The following CDC42SE2 variants were observed in gnomAD, a reference collection of about 807,000 sequenced individuals.
The protein encoded by CDC42SE2 is CDC42 small effector 2, also known as CDC42 small effector protein 2.
A neutral mutation model predicts 11.5 loss-of-function variants in CDC42SE2; 3 were observed. The observed-to-expected ratio is 0.26, with a 90% CI of 0.12 to 0.67. CDC42SE2 has a LOEUF of 0.67. Ranked by LOEUF, CDC42SE2 falls within the 30% of genes least tolerant of loss-of-function variation. The probability of loss-of-function intolerance (pLI) is 0.80; values close to 1 mark genes in which losing one functional copy is unlikely to be tolerated. For missense variants in CDC42SE2, 82 were observed against 106.8 expected (o/e 0.77, Z 1.02); for synonymous variants, 33 against 34.8 (o/e 0.95, Z 0.18).
intron 3 of CDC42SE2, among the ~76,000 whole-genome samples, chr5:131,359,846 A>G (rs534707176): frequency 6.6e-6 from 1 of 152,270 alleles, no homozygotes; most frequent in African/African-American, 2.4e-5. Flanking sequence ...CTGAGGTAAA[A>G]CAGATAAATC....
At position 131,291,918 on chromosome 5, in the gene CDC42SE2, G is replaced by C. The variant is rs1023879823; in HGVS notation, c.-454-24058G>C. ...GAAACCAGTCTGTTATGTTCTCTTG[G>C]AATTAACTCTTGATTATTAAGCATC... On this transcript the variant is annotated intron_variant, in intron 1 of 4. Coordinates refer to ENST00000505065, the MANE Select transcript of CDC42SE2 (RefSeq NM_001375635.1). Among the ~76,000 whole-genome samples, 14 of 152,096 alleles carry C rather than the reference G, an allele frequency of 9.2e-5. 1 individual carries two copies. The highest frequency in any genetic ancestry group is 3.1e-4 in the African/African-American group (13 of 41,410).
intron 1 of CDC42SE2, among the ~76,000 whole-genome samples, chr5:131,312,451 G>C (rs1034628008): frequency 6.6e-6 from 1 of 152,210 alleles, no homozygotes; most frequent in African/African-American, 2.4e-5. Context: ...GCCTCCTTGA[G>C]CTGTGGTGGG....
At position 131,339,288 on chromosome 5, in the gene CDC42SE2, CAG is replaced by C. The variant is rs923241238; in HGVS notation, c.-285-19915_-285-19914del. Among the ~76,000 whole-genome samples the C allele has an allele frequency of 2.9e-5, 3 of 103,318 alleles. No individual in the cohort carries two copies. In the Admixed American group the frequency reaches 3.1e-4, roughly 11 times the overall value. The allele number at this position is 103,318 out of a possible 152,430, so 67.8% of individuals were successfully genotyped here. ...AAAAAAAAAAGAATGCTTTTTCAAA[CAG>C]AGAGACCTGGACTTGCACAGGAAAA... On this transcript the variant is annotated intron_variant, in intron 2 of 4. Transcript: ENST00000505065.
chr5:131,263,529 C>A, upstream of CDC42SE2: 1 of 152,358 alleles, frequency 6.6e-6, no homozygotes, highest in Non-Finnish European at 1.5e-5. Context: ...CAGTTAATGA[C>A]TGATTGAACG....
At chr5:131,255,436 T>C (rs1356540143) in intron 2 of CDC42SE2, 1 of 152,156 alleles carries the variant, frequency 6.6e-6, no homozygotes, top group East Asian at 1.9e-4. Flanking sequence ...CATTGGTCTA[T>C]TGTATGCCAT....
At chr5:131,329,931 G>T (rs1488279250) in intron 2 of CDC42SE2, among the ~76,000 whole-genome samples, 1 of 110,876 alleles carries the variant, frequency 9.0e-6, no homozygotes, top group Non-Finnish European at 2.0e-5. Context: ...AAGAAGAAGC[G>T]CTCCAGTTAT....
intron 2 of CDC42SE2, among the ~76,000 whole-genome samples, chr5:131,351,197 T>C (rs1386261385): frequency 2.6e-5 from 4 of 151,916 alleles, no homozygotes; most frequent in African/African-American, 9.7e-5. Context: ...CAATCCACCC[T>C]CCTTGGTCTC....
intron 1 of CDC42SE2, among the ~76,000 whole-genome samples, chr5:131,303,180 G>T (rs1038850950): frequency 6.6e-6 from 1 of 152,160 alleles, no homozygotes; most frequent in African/African-American, 2.4e-5. Flanking sequence ...CTAATTAAGT[G>T]ATTTTAAGTC....
intron 1 of CDC42SE2, among the ~76,000 whole-genome samples, chr5:131,274,614 G>A (rs535709569): frequency 3.5e-4 from 53 of 152,248 alleles, no homozygotes; most frequent in Non-Finnish European, 6.2e-4. Context: ...AACCCTTAGT[G>A]GCTTTCCATA....
At chr5:131,344,518 G>A (rs1758793152) in intron 2 of CDC42SE2, among the ~76,000 whole-genome samples, 1 of 152,206 alleles carries the variant, frequency 6.6e-6, no homozygotes, top group Admixed American at 6.5e-5. Context: ...GAACTGGGTG[G>A]AGCCCACCAC....
intron 1 of CDC42SE2, among the ~76,000 whole-genome samples, chr5:131,279,462 CT>C (rs373840785): frequency 3.5e-3 from 483 of 138,218 alleles, no homozygotes; most frequent in African/African-American, 9.6e-3. Flanking sequence ...CCCCCCCCCC[CT>C]TTCAGAATAA....
intron 1 of CDC42SE2, among the ~76,000 whole-genome samples, chr5:131,291,707 C>G (rs1291814386): frequency 6.6e-6 from 1 of 152,072 alleles, no homozygotes; most frequent in Non-Finnish European, 1.5e-5. Flanking sequence ...AGTAATCTTG[C>G]AAGTTTTATA....
At chr5:131,330,171 C>T (rs1758391470) in intron 2 of CDC42SE2, among the ~76,000 whole-genome samples, 1 of 152,136 alleles carries the variant, frequency 6.6e-6, no homozygotes, top group South Asian at 2.1e-4. Flanking sequence ...GAAGGCTAAG[C>T]TCAGTTGGGC....
rs529193458 is a variant in CDC42SE2 at position 131,338,000 on chromosome 5, C to T, written c.-285-21209C>T. 4.6e-5 allele frequency among the ~76,000 whole-genome samples: 7 copies of T among 152,354 alleles called. No individual in the cohort carries two copies. The East Asian group carries it at 1.2e-3, about 25-fold the overall frequency. On this transcript the variant is annotated intron_variant, in intron 2 of 4. Coordinates refer to ENST00000505065, the MANE Select transcript of CDC42SE2 (RefSeq NM_001375635.1). Reference sequence around the variant, plus strand: ...CCGGCACTCCCCAGTGAGATGAACCCGGTATCTCAGTTGGAAATGCAGAAA... The same window carrying T: ...CCGGCACTCCCCAGTGAGATGAACCTGGTATCTCAGTTGGAAATGCAGAAA...
upstream of CDC42SE2, among the ~76,000 whole-genome samples, chr5:131,244,616 C>T (rs1756565329): frequency 6.6e-6 from 1 of 152,100 alleles, no homozygotes; most frequent in Admixed American, 6.6e-5. Context: ...GAGGTTGAGG[C>T]AAGAGAATCG....
At position 131,353,038 on chromosome 5, in the gene CDC42SE2, G is replaced by A. The variant is rs151009522; in HGVS notation, c.-285-6171G>A. On this transcript the variant is annotated intron_variant, in intron 2 of 4. Coordinates refer to ENST00000505065, the MANE Select transcript of CDC42SE2 (RefSeq NM_001375635.1). ...CTTTACTGCAGTGGCGCGTCTTGGTGTACTGCAGCCTCGACTTCCTGGGCT... is the reference window on the plus strand; with the variant it reads ...CTTTACTGCAGTGGCGCGTCTTGGTATACTGCAGCCTCGACTTCCTGGGCT... Among the ~76,000 whole-genome samples, 215 of 152,170 alleles carry A rather than the reference G, an allele frequency of 1.4e-3. 1 individual carries two copies. The highest frequency in any genetic ancestry group is 4.9e-3 in the African/African-American group (203 of 41,512).
chr5:131,284,292 T>C (rs545520220), intron 1 of CDC42SE2, among the ~76,000 whole-genome samples: 128 of 152,300 alleles, frequency 8.4e-4, no homozygotes, highest in African/African-American at 2.9e-3. Context: ...TTTTAAAAAA[T>C]TGAAAATTAC....
chr5:131,268,825 A>G (rs939376705), intron 1 of CDC42SE2, among the ~76,000 whole-genome samples: 1 of 127,464 alleles, frequency 7.8e-6, no homozygotes, highest in Non-Finnish European at 1.5e-5. Flanking sequence ...ATCTCGGCTT[A>G]CTGCAACCTC....
intron 1 of CDC42SE2, among the ~76,000 whole-genome samples, chr5:131,250,958 T>C (rs1201768325): frequency 1.3e-5 from 2 of 152,066 alleles, no homozygotes; most frequent in Non-Finnish European, 2.9e-5. Context: ...AAAGGGGGAA[T>C]TGGAGGGACG....
Sources: allele counts gnomAD v4.1 joint callset (sites outside exome capture counted in the v4.1 genomes callset), GRCh38; gene constraint gnomAD v4.1.1; transcripts MANE v1.5; gene names NCBI Gene and HGNC (gene_info 2026-07-23, HGNC 2026-07-21).